Variants in VGLL4 observed in about 807,000 individuals in gnomAD.
VGLL4 encodes vestigial like family member 4, also known as transcription cofactor vestigial-like protein 4.
Under a neutral mutation model 21.0 loss-of-function variants are expected in VGLL4, and 7 were observed. The observed-to-expected ratio is 0.33, with a 90% CI of 0.19 to 0.63. The LOEUF is 0.63. Ranked by LOEUF, VGLL4 falls within the 20% of genes least tolerant of loss-of-function variation. VGLL4 has a pLI of 0.78. For missense variants in VGLL4, 394 were observed against 425.7 expected, an observed-to-expected ratio of 0.93 and a Z score of 0.66; for synonymous variants, 222 against 173.2, an observed-to-expected ratio of 1.28 and a Z score of -2.21.
intron 2 of VGLL4, among the ~76,000 whole-genome samples, chr3:11,598,885 A>C (rs2074711264): frequency 6.6e-6 from 1 of 152,208 alleles, no homozygotes; most frequent in South Asian, 2.1e-4. Context: ...TTATTAACAA[A>C]CTCTAAGAAG....
At chr3:11,574,742 T>C (rs73812475) in intron 2 of VGLL4, among the ~76,000 whole-genome samples, 45 of 152,000 alleles carry the variant, frequency 3.0e-4, no homozygotes, top group African/African-American at 1.0e-3. Flanking sequence ...AACTTCACTA[T>C]GTACCCCATG....
intron 1 of VGLL4, among the ~76,000 whole-genome samples, chr3:11,625,954 A>G (rs1221831012): frequency 1.3e-5 from 2 of 152,204 alleles, no homozygotes; most frequent in Non-Finnish European, 2.9e-5. Flanking sequence ...AAAATGTTCT[A>G]AACTTTGATC....
At chr3:11,670,998 T>C (rs781333425) in intron 2 of VGLL4, among the ~76,000 whole-genome samples, 26 of 152,246 alleles carry the variant, frequency 1.7e-4, no homozygotes, top group Non-Finnish European at 2.8e-4. Context: ...GATCGTGCCA[T>C]TGCACTCCAG....
Position 11,643,865 on chromosome 3 carries a change from C to T in VGLL4, c.-347G>A. On this transcript the variant is annotated 5_prime_UTR_variant, in exon 1 of 5. Transcript: ENST00000430365. ...CCCGTTTCCTAGGACAAAGCGGCGC[C>T]GGCCCCTCTCACAGCCCGCTGCAAG... The T allele has an allele frequency of 1.9e-6, 2 of 1,025,990 alleles. No homozygotes were observed. Among genetic ancestry groups the T allele is most frequent in the South Asian group, 3.7e-5 (1 of 26,940 alleles). The allele number at this position is 1,025,990 out of a possible 1,614,324, so 63.6% of individuals were successfully genotyped here. A position where few individuals can be genotyped will look rare whatever the true frequency, so the allele number is the denominator to read the frequency against.
chr3:11,641,847 C>G (rs547875268), intron 1 of VGLL4, among the ~76,000 whole-genome samples: 1 of 152,094 alleles, frequency 6.6e-6, no homozygotes, highest in Non-Finnish European at 1.5e-5. Context: ...TAAGTTGGTC[C>G]TCACCAATCG....
chr3:11,637,252 T>C (rs2075606410), intron 1 of VGLL4, among the ~76,000 whole-genome samples: 1 of 152,182 alleles, frequency 6.6e-6, no homozygotes, highest in Non-Finnish European at 1.5e-5. Flanking sequence ...AACCATAAAA[T>C]ACACATTTTT....
chr3:11,587,944 G>A (rs1005029510), intron 2 of VGLL4, among the ~76,000 whole-genome samples: 1 of 152,218 alleles, frequency 6.6e-6, no homozygotes, highest in African/African-American at 2.4e-5. Flanking sequence ...TGAACCTCGC[G>A]CATGTGTGCG....
chr3:11,569,409 G>A (rs1011291597), intron 2 of VGLL4, among the ~76,000 whole-genome samples: 1 of 152,200 alleles, frequency 6.6e-6, no homozygotes, highest in Non-Finnish European at 1.5e-5. Context: ...AAGAGATGAG[G>A]CCCAGGGCAG....
chr3:11,711,849 C>G (rs2076851419), intron 1 of VGLL4, among the ~76,000 whole-genome samples: 1 of 152,118 alleles, frequency 6.6e-6, no homozygotes, highest in Non-Finnish European at 1.5e-5. Context: ...ATGGATGATA[C>G]TGGGTGATAC....
intron 2 of VGLL4, among the ~76,000 whole-genome samples, chr3:11,698,138 C>T (rs1295521423): frequency 3.9e-5 from 6 of 152,114 alleles, no homozygotes; most frequent in Non-Finnish European, 8.8e-5. Context: ...AAAGACATGC[C>T]AAGGTGTTGT....
chr3:11,705,992 C>G (rs951678487), intron 1 of VGLL4, among the ~76,000 whole-genome samples: 6 of 151,850 alleles, frequency 4.0e-5, no homozygotes, highest in African/African-American at 1.4e-4. Context: ...TGCAATAATA[C>G]AGCATTTAGA....
upstream of VGLL4, among the ~76,000 whole-genome samples, chr3:11,720,979 G>A (rs2076988637): frequency 1.3e-5 from 2 of 152,186 alleles, no homozygotes; most frequent in African/African-American, 2.4e-5. Context: ...CCACAATTAA[G>A]AAAACATTTG....
At chr3:11,702,941 A>C (rs761268044) in intron 2 of VGLL4, 1 of 1,593,732 alleles carries the variant, frequency 6.3e-7, no homozygotes. Context: ...TAAAGCACTT[A>C]AGCTATTTTA....
intron 1 of VGLL4, among the ~76,000 whole-genome samples, chr3:11,714,962 C>T (rs112486904): frequency 0.025 from 3,835 of 151,882 alleles, 142 homozygotes; most frequent in African/African-American, 0.087. Flanking sequence ...AGTGAAACCC[C>T]GTCTCTATTA....
At chr3:11,620,709 T>C (rs983454570) in intron 1 of VGLL4, among the ~76,000 whole-genome samples, 1 of 152,166 alleles carries the variant, frequency 6.6e-6, no homozygotes, top group Non-Finnish European at 1.5e-5. Flanking sequence ...CAACTCCCCT[T>C]GGCCATCTCT....
chr3:11,639,257 C>T (rs558714982), intron 1 of VGLL4, among the ~76,000 whole-genome samples: 1 of 152,230 alleles, frequency 6.6e-6, no homozygotes, highest in South Asian at 2.1e-4. Flanking sequence ...TGTCCCTGTC[C>T]CTGCTCCCTG....
intron 2 of VGLL4, among the ~76,000 whole-genome samples, chr3:11,566,195 G>A (rs1336682228): frequency 6.6e-6 from 1 of 152,024 alleles, no homozygotes; most frequent in Non-Finnish European, 1.5e-5. Context: ...CACACAGAAT[G>A]TTACACACAC....
At chr3:11,715,941 G>A (rs1210604778) in intron 1 of VGLL4, among the ~76,000 whole-genome samples, 1 of 152,146 alleles carries the variant, frequency 6.6e-6, no homozygotes, top group Non-Finnish European at 1.5e-5. Context: ...CTTCTTGGCT[G>A]AGGAACATTA....
At chr3:11,603,371 GC>G (rs1180080195) in intron 1 of VGLL4, among the ~76,000 whole-genome samples, 3 of 152,046 alleles carry the variant, frequency 2.0e-5, no homozygotes, top group Non-Finnish European at 4.4e-5. Context: ...TAAAACACAG[GC>G]CTCACGCTGG....
Sources: gnomAD v4.1 joint callset for allele counts (sites outside exome capture counted in the v4.1 genomes callset) on GRCh38, gnomAD v4.1.1 for gene constraint, MANE v1.5 for transcripts, NCBI Gene and HGNC (gene_info 2026-07-23, HGNC 2026-07-21) for gene names.